Variants in ZFYVE28 observed in about 807,000 individuals in gnomAD.
The protein encoded by ZFYVE28 is zinc finger FYVE-type containing 28.
A neutral mutation model predicts 82.1 loss-of-function variants in ZFYVE28; 40 were observed. The ratio of observed to expected loss-of-function variants is 0.49; its 90% CI spans 0.38 to 0.63. ZFYVE28 has a LOEUF of 0.63. Among genes scored for constraint, ZFYVE28 ranks in the 30% least tolerant of loss-of-function variants. The probability of loss-of-function intolerance (pLI) is 0.00; values close to 1 mark genes in which losing one functional copy is unlikely to be tolerated. For synonymous variants in ZFYVE28, 612 were observed against 546.1 expected (o/e 1.12, Z -1.68); for missense variants, 1,321 against 1,242.1 (o/e 1.06, Z -0.96).
intron 1 of ZFYVE28, among the ~76,000 whole-genome samples, chr4:2,377,985 A>G (rs1728338462): frequency 6.6e-6 from 1 of 152,242 alleles, no homozygotes; most frequent in Admixed American, 6.5e-5. Flanking sequence ...TATACTGTAG[A>G]CAACTGTAAC....
At position 2,350,034 on chromosome 4, in the gene ZFYVE28, G is replaced by GACAC. The variant is rs71644325; in HGVS notation, c.180+3895_180+3898dup. On this transcript the variant is annotated intron_variant, in intron 2 of 12. Transcript: ENST00000290974. ...AGCTAGTTCAATAGGGTGACACACA[G>GACAC]ACACACACACACACACACACACACA... Among the ~76,000 whole-genome samples, 1,451 of 148,754 alleles carry GACAC rather than the reference G, an allele frequency of 9.8e-3. 11 individuals carry two copies. Among genetic ancestry groups the GACAC allele is most frequent in the Middle Eastern group, 0.032 (9 of 284 alleles).
intron 1 of ZFYVE28, among the ~76,000 whole-genome samples, chr4:2,386,932 T>C (rs917788487): frequency 2.6e-5 from 4 of 152,182 alleles, no homozygotes; most frequent in Non-Finnish European, 5.9e-5. Context: ...AGTCCAGTCT[T>C]GTCTGGAAAG....
chr4:2,390,033 C>G (rs891550823), intron 1 of ZFYVE28, among the ~76,000 whole-genome samples: 8 of 152,154 alleles, frequency 5.3e-5, no homozygotes, highest in African/African-American at 1.9e-4. Flanking sequence ...TGAATGTGAC[C>G]ATATGTGGCA....
chr4:2,334,770 A>C (rs1248442621), intron 6 of ZFYVE28, among the ~76,000 whole-genome samples: 59 of 6,354 alleles, frequency 9.3e-3, no homozygotes, highest in African/African-American at 0.014. Context: ...CCCCCTCCCC[A>C]CTTCCGCCTC....
chr4:2,378,435 A>C (rs1174150755), intron 1 of ZFYVE28, among the ~76,000 whole-genome samples: 1 of 152,192 alleles, frequency 6.6e-6, no homozygotes. Flanking sequence ...TCTTTATCCT[A>C]CTTGGAACTC....
intron 1 of ZFYVE28, among the ~76,000 whole-genome samples, chr4:2,365,771 T>C (rs1726816150): frequency 6.6e-6 from 1 of 152,182 alleles, no homozygotes; most frequent in African/African-American, 2.4e-5. Flanking sequence ...TTTCAAGCTC[T>C]GAGAGTCACC....
intron 6 of ZFYVE28, among the ~76,000 whole-genome samples, chr4:2,326,195 A>T (rs372335924): frequency 6.6e-6 from 1 of 152,130 alleles, no homozygotes; most frequent in Non-Finnish European, 1.5e-5. Context: ...TTCTGGTCTT[A>T]TATTTAGCTC....
rs1470403175 is a variant in ZFYVE28, at chr4:2,404,859, T to TC, written c.39+13425_39+13426insG. The stretch of plus-strand genomic sequence containing the variant: ...CATTTCACCCTCTCAGTCTCGCTCT[T>TC]TTTTTTTTTTTTTTTTTTGAGAGAG... On this transcript the variant is annotated intron_variant, in intron 1 of 12. Transcript: ENST00000290974. 3.0e-4 allele frequency among the ~76,000 whole-genome samples: 42 copies of TC among 139,122 alleles called. No individual in the cohort carries two copies. The South Asian group carries it at 7.2e-3, about 24-fold the overall frequency. The allele number at this position is 139,122 out of a possible 152,430, so 91.3% of individuals were successfully genotyped here.
rs368917810 is a variant in ZFYVE28 at position 2,334,869 on chromosome 4, C to G, written c.701+836G>C. Among the ~76,000 whole-genome samples the G allele has an allele frequency of 1.9e-4, 21 of 108,908 alleles. 1 individual carries two copies. The East Asian group carries it at 3.8e-3, about 19-fold the overall frequency. 71.4% of individuals were successfully genotyped at this position (108,908 alleles called of 152,430 possible). ...CCCCCTCCCCACTTCCGCCTCCCCC[C>G]CAGCTGCAAGCTCCACTAAGCTCTC... On this transcript the variant is annotated intron_variant, in intron 6 of 12. Coordinates refer to ENST00000290974, the MANE Select transcript of ZFYVE28 (RefSeq NM_020972.3).
At chr4:2,331,024 T>G (rs1281548481) in intron 6 of ZFYVE28, 1 of 1,514,946 alleles carries the variant, frequency 6.6e-7, no homozygotes, top group South Asian at 1.2e-5. Context: ...CTGCACGTGT[T>G]CTGGGATGGG....
At chr4:2,317,245 C>G (rs556863934) in intron 7 of ZFYVE28, among the ~76,000 whole-genome samples, 1 of 152,284 alleles carries the variant, frequency 6.6e-6, no homozygotes, top group South Asian at 2.1e-4. Flanking sequence ...ACCTTGGCCT[C>G]CCAAAGTGCT....
chr4:2,288,988 A>C (rs924978442), intron 8 of ZFYVE28, among the ~76,000 whole-genome samples: 13 of 151,668 alleles, frequency 8.6e-5, no homozygotes, highest in African/African-American at 2.9e-4. Flanking sequence ...AAATTAATAA[A>C]ATAGGAGTGC....
chr4:2,374,543 G>A (rs1298030286), intron 1 of ZFYVE28, among the ~76,000 whole-genome samples: 1 of 152,172 alleles, frequency 6.6e-6, no homozygotes, highest in Non-Finnish European at 1.5e-5. Flanking sequence ...AGCCCAGGCA[G>A]GTTGAGGCTG....
chr4:2,319,289 C>G lies in ZFYVE28; in HGVS notation c.803+881G>C, dbSNP rs187609152. ...CCAAGCAGGAGGAAAGCAGCGACAG[C>G]CATCTCCCAGATGAAACATGGACTG... On this transcript the variant is annotated intron_variant, in intron 7 of 12. Coordinates refer to ENST00000290974, the MANE Select transcript of ZFYVE28 (RefSeq NM_020972.3). Among the ~76,000 whole-genome samples, 695 of 152,310 alleles carry G rather than the reference C, an allele frequency of 4.6e-3. 4 individuals carry two copies. The highest frequency in any genetic ancestry group is 0.016 in the African/African-American group (649 of 41,574).
At chr4:2,298,518 G>A (rs1715002957) in intron 8 of ZFYVE28, among the ~76,000 whole-genome samples, 1 of 152,162 alleles carries the variant, frequency 6.6e-6, no homozygotes, top group South Asian at 2.1e-4. Context: ...CCAAGTTCCG[G>A]AAGGAAGGCG....
At chr4:2,334,027 T>A (rs10434498) in intron 6 of ZFYVE28, among the ~76,000 whole-genome samples, 1 of 152,142 alleles carries the variant, frequency 6.6e-6, no homozygotes, top group Admixed American at 6.5e-5. Context: ...GGGGACACCC[T>A]GCCCTCCAGC....
At chr4:2,299,955 C>G (rs1171491169) in intron 8 of ZFYVE28, among the ~76,000 whole-genome samples, 2 of 152,058 alleles carry the variant, frequency 1.3e-5, no homozygotes, top group Admixed American at 1.3e-4. Context: ...CGCCACTGCA[C>G]CTGGCTAATT....
At chr4:2,306,981 G>C (rs767968240) in intron 7 of ZFYVE28, 1 of 152,322 alleles carries the variant, frequency 6.6e-6, no homozygotes, top group Non-Finnish European at 1.5e-5. Context: ...GGGTGGGACT[G>C]CTGAGCCTGA....
intron 8 of ZFYVE28, among the ~76,000 whole-genome samples, chr4:2,289,161 G>A (rs188325112): frequency 5.0e-4 from 76 of 152,222 alleles, no homozygotes; most frequent in Non-Finnish European, 8.5e-4. Context: ...AAGTGCCCGT[G>A]GTCCCAGCTA....
Sources: gnomAD v4.1 joint callset for allele counts (sites outside exome capture counted in the v4.1 genomes callset) on GRCh38, gnomAD v4.1.1 for gene constraint, MANE v1.5 for transcripts, NCBI Gene and HGNC (gene_info 2026-07-23, HGNC 2026-07-21) for gene names.